The following IMMP1L variants were observed in gnomAD, a reference collection of about 807,000 sequenced individuals.
IMMP1L encodes the protein inner mitochondrial membrane peptidase subunit 1.
A neutral mutation model predicts 21.8 loss-of-function variants in IMMP1L; 24 were observed. The ratio of observed to expected loss-of-function variants is 1.10; its 90% confidence interval spans 0.80 to 1.55. The LOEUF (loss-of-function observed/expected upper bound fraction) is 1.55. Among genes scored for constraint, IMMP1L ranks in the 40% most tolerant of loss-of-function variants. IMMP1L has a pLI of 0.00. For missense variants in IMMP1L, 195 were observed against 200.7 expected (o/e 0.97, Z 0.17); for synonymous variants, 46 against 62.8 (o/e 0.73, Z 1.26).
chr11:31,453,283 T>C (rs1363942264), intron 4 of IMMP1L, among the ~76,000 whole-genome samples: 2 of 152,234 alleles, frequency 1.3e-5, no homozygotes. Flanking sequence ...ATTTCTTTGA[T>C]ATGCTAAACT....
intron 1 of IMMP1L, among the ~76,000 whole-genome samples, chr11:31,508,681 T>C (rs1302496257): frequency 6.6e-6 from 1 of 152,210 alleles, no homozygotes; most frequent in Non-Finnish European, 1.5e-5. Context: ...AATTAAAAGG[T>C]ATCACAGATC....
intron 1 of IMMP1L, among the ~76,000 whole-genome samples, chr11:31,489,853 T>G (rs1235735747): frequency 2.0e-5 from 3 of 152,196 alleles, no homozygotes; most frequent in Non-Finnish European, 4.4e-5. Flanking sequence ...CCATGTTTGA[T>G]CTCAAAAATC....
chr11:31,445,946 C>T (rs1953503840), intron 4 of IMMP1L, among the ~76,000 whole-genome samples: 1 of 152,132 alleles, frequency 6.6e-6, no homozygotes. Flanking sequence ...AGCAAAGCAT[C>T]CAGATGTCAT....
At chr11:31,441,792 G>T (rs865977866) in intron 4 of IMMP1L, among the ~76,000 whole-genome samples, 66 of 151,672 alleles carry the variant, frequency 4.4e-4, no homozygotes, top group African/African-American at 1.5e-3. Flanking sequence ...AATAAAATGT[G>T]TTTTTTTAAA....
At chr11:31,458,679 A>G (rs1954030651) in intron 3 of IMMP1L, among the ~76,000 whole-genome samples, 1 of 152,178 alleles carries the variant, frequency 6.6e-6, no homozygotes, top group South Asian at 2.1e-4. Context: ...CAGGACAGTA[A>G]TATTTCTTAA....
At chr11:31,506,451 C>G (rs1056228215) in intron 1 of IMMP1L, among the ~76,000 whole-genome samples, 2 of 151,642 alleles carry the variant, frequency 1.3e-5, no homozygotes, top group African/African-American at 4.8e-5. Flanking sequence ...AGGAAGGTCT[C>G]GATCTTCTGA....
intron 1 of IMMP1L, chr11:31,477,022 T>C (rs1422302990): frequency 6.6e-6 from 1 of 152,150 alleles, no homozygotes; most frequent in Non-Finnish European, 1.5e-5. Flanking sequence ...TATACTTTTA[T>C]ATATTAAAAT....
intron 4 of IMMP1L, chr11:31,448,874 A>T: frequency 1.1e-6 from 1 of 914,538 alleles, no homozygotes; most frequent in Non-Finnish European, 1.3e-6. Context: ...AAAACACTTC[A>T]GACTTGTAAA....
chr11:31,504,986 G>A (rs1233689969), intron 1 of IMMP1L, among the ~76,000 whole-genome samples: 1 of 152,202 alleles, frequency 6.6e-6, no homozygotes, highest in Non-Finnish European at 1.5e-5. Context: ...CCTCTGTGTA[G>A]ACATGACCTT....
chr11:31,452,003 T>C (rs1953773436), intron 4 of IMMP1L, among the ~76,000 whole-genome samples: 1 of 152,154 alleles, frequency 6.6e-6, no homozygotes, highest in African/African-American at 2.4e-5. Flanking sequence ...ATAGGTCAAG[T>C]ATGATGAGGA....
At chr11:31,489,402 A>C (rs752964375) in intron 1 of IMMP1L, among the ~76,000 whole-genome samples, 10 of 152,212 alleles carry the variant, frequency 6.6e-5, no homozygotes, top group Non-Finnish European at 1.2e-4. Context: ...CTTGAAATTT[A>C]ATACGTAAAA....
chr11:31,437,225 AG>A (rs1953154764), intron 4 of IMMP1L: 1 of 407,446 alleles, frequency 2.5e-6, no homozygotes, highest in Admixed American at 2.7e-5. Flanking sequence ...CGAGATATCC[AG>A]GGGAAGAGAC....
chr11:31,477,698 C>A (rs903804613), intron 1 of IMMP1L: 1 of 178,102 alleles, frequency 5.6e-6, no homozygotes, highest in Non-Finnish European at 1.1e-5. Context: ...TTGCAGACAT[C>A]AAAATTATCA....
chr11:31,501,975 CA>C lies in IMMP1L; in HGVS notation c.-30+7543del, dbSNP rs568100436. ...CCTGGGCAACAGAGTAAGACTGTCTCAAAAAAAAAAGAAAAAGAAAAAGAAA... is the reference window on the plus strand; with the variant it reads ...CCTGGGCAACAGAGTAAGACTGTCTCAAAAAAAAAGAAAAAGAAAAAGAAA... On this transcript the variant is annotated intron_variant, in intron 1 of 5. Transcript: ENST00000532287. Among the ~76,000 whole-genome samples, 167 of 136,062 alleles carry C rather than the reference CA, an allele frequency of 1.2e-3. 1 individual carries two copies. Among genetic ancestry groups the C allele is most frequent in the African/African-American group, 3.9e-3 (143 of 36,826 alleles). The allele number at this position is 136,062 out of a possible 152,430, so 89.3% of individuals were successfully genotyped here.
chr11:31,463,547 A>G (rs1387212491), intron 1 of IMMP1L, among the ~76,000 whole-genome samples: 1 of 152,188 alleles, frequency 6.6e-6, no homozygotes, highest in African/African-American at 2.4e-5. Context: ...TGAATTATAT[A>G]ATTAGTAGAT....
chr11:31,447,165 G>A (rs894069711), intron 4 of IMMP1L, among the ~76,000 whole-genome samples: 5 of 152,278 alleles, frequency 3.3e-5, no homozygotes, highest in African/African-American at 4.8e-5. Flanking sequence ...TGCACACATC[G>A]AAAAAGAAAG....
chr11:31,453,681 C>T (rs1953839378), intron 4 of IMMP1L, among the ~76,000 whole-genome samples: 1 of 152,198 alleles, frequency 6.6e-6, no homozygotes, highest in Non-Finnish European at 1.5e-5. Context: ...TCTGTAATAG[C>T]TACACAATTC....
At chr11:31,502,314 G>A (rs1955647236) in intron 1 of IMMP1L, among the ~76,000 whole-genome samples, 1 of 152,166 alleles carries the variant, frequency 6.6e-6, no homozygotes, top group Non-Finnish European at 1.5e-5. Context: ...TGTAATAAAT[G>A]GATCCAATTT....
At chr11:31,494,859 T>C (rs1212315358) in intron 1 of IMMP1L, among the ~76,000 whole-genome samples, 2 of 152,158 alleles carry the variant, frequency 1.3e-5, no homozygotes, top group Non-Finnish European at 2.9e-5. Flanking sequence ...TTAGCCAGGA[T>C]GGTCTCAATC....
Sources: gnomAD v4.1 joint callset for allele counts (sites outside exome capture counted in the v4.1 genomes callset) on GRCh38, gnomAD v4.1.1 for gene constraint, MANE v1.5 for transcripts, NCBI Gene and HGNC (gene_info 2026-07-23, HGNC 2026-07-21) for gene names.